The following WWOX variants were observed in gnomAD, a reference collection of about 807,000 sequenced individuals.
The protein encoded by WWOX is WW domain-containing oxidoreductase.
A neutral mutation model predicts 46.2 loss-of-function variants in WWOX; 69 were observed. That is an observed-to-expected ratio of 1.49 (90% CI 1.23 to 1.82). The LOEUF (loss-of-function observed/expected upper bound fraction) is 1.82. WWOX is among the 40% of genes most tolerant of loss of function. WWOX has a pLI of 0.00. For synonymous variants in WWOX, 359 were observed against 202.6 expected (o/e 1.77, Z -6.56); for missense variants, 919 against 542.6 (o/e 1.69, Z -6.89).
intron 4 of WWOX, among the ~76,000 whole-genome samples, chr16:78,122,787 T>C (rs1476653425): frequency 2.0e-5 from 3 of 152,000 alleles, no homozygotes; most frequent in Non-Finnish European, 2.9e-5. Context: ...GTATTTTTCG[T>C]AGAGACAGGG....
intron 4 of WWOX, among the ~76,000 whole-genome samples, chr16:78,115,764 C>G (rs927891914): frequency 1.3e-5 from 2 of 152,224 alleles, no homozygotes; most frequent in Admixed American, 6.5e-5. Context: ...CGGGAGCAAA[C>G]CATAACTCTT....
At chr16:78,494,604 T>A (rs2084865329) in intron 8 of WWOX, among the ~76,000 whole-genome samples, 1 of 152,214 alleles carries the variant, frequency 6.6e-6, no homozygotes. Context: ...CCAGGAGTCT[T>A]CTGTGTGAAC....
chr16:78,808,291 C>T (rs1008241441), intron 8 of WWOX, among the ~76,000 whole-genome samples: 10 of 152,196 alleles, frequency 6.6e-5, no homozygotes, highest in Non-Finnish European at 1.0e-4. Flanking sequence ...GATCCGTTTG[C>T]AACCCAGGAA....
chr16:79,036,994 T>A (rs1163401899), intron 8 of WWOX, among the ~76,000 whole-genome samples: 1 of 152,184 alleles, frequency 6.6e-6, no homozygotes, highest in East Asian at 1.9e-4. Flanking sequence ...TAGTGATGGG[T>A]CTCTCATGGC....
intron 5 of WWOX, among the ~76,000 whole-genome samples, chr16:78,263,993 A>G (rs2079304158): frequency 2.0e-5 from 1 of 50,134 alleles, no homozygotes; most frequent in African/African-American, 1.0e-4. Context: ...TTGGCTGTGA[A>G]ATCTTTTTTT....
At chr16:78,865,779 C>T (rs766813322) in intron 8 of WWOX, among the ~76,000 whole-genome samples, 17 of 152,088 alleles carry the variant, frequency 1.1e-4, no homozygotes, top group African/African-American at 2.9e-4. Context: ...ACTCAGGAGA[C>T]GGAGGCAGGA....
chr16:78,541,516 A>G (rs936577153), intron 8 of WWOX, among the ~76,000 whole-genome samples: 1 of 150,066 alleles, frequency 6.7e-6, no homozygotes, highest in Non-Finnish European at 1.5e-5. Context: ...AGACACGTAC[A>G]CAGACAAATG....
intron 6 of WWOX, among the ~76,000 whole-genome samples, chr16:78,398,570 C>G (rs539759589): frequency 6.6e-6 from 1 of 152,292 alleles, no homozygotes; most frequent in East Asian, 1.9e-4. Flanking sequence ...CAGCAACACA[C>G]CCAATCATTG....
At chr16:78,369,785 G>C (rs1485871622) in intron 5 of WWOX, among the ~76,000 whole-genome samples, 1 of 152,086 alleles carries the variant, frequency 6.6e-6, no homozygotes, top group East Asian at 1.9e-4. Flanking sequence ...GTATAGTAAT[G>C]TGTATGGTGA....
chr16:78,207,051 C>T (rs1272545361), intron 5 of WWOX, among the ~76,000 whole-genome samples: 4 of 152,092 alleles, frequency 2.6e-5, no homozygotes, highest in African/African-American at 9.7e-5. Flanking sequence ...GTAATTTTCC[C>T]AGGGCCAGAG....
chr16:78,811,928 T>TC (rs1317395504), intron 8 of WWOX, among the ~76,000 whole-genome samples: 1 of 152,180 alleles, frequency 6.6e-6, no homozygotes, highest in African/African-American at 2.4e-5. Context: ...TTAGGGTTCT[T>TC]TTGAGGAATA....
chr16:78,887,624 A>C (rs2044495698), intron 8 of WWOX, among the ~76,000 whole-genome samples: 1 of 152,160 alleles, frequency 6.6e-6, no homozygotes, highest in Admixed American at 6.5e-5. Context: ...GCCAATGTGT[A>C]AGTACAAAAG....
At chr16:78,470,896 A>G (rs1220228447) in intron 8 of WWOX, among the ~76,000 whole-genome samples, 2 of 152,174 alleles carry the variant, frequency 1.3e-5, no homozygotes, top group African/African-American at 2.4e-5. Context: ...TACAGGCTGG[A>G]ACAGGTGATA....
At chr16:78,314,991 C>T (rs543011010) in intron 5 of WWOX, among the ~76,000 whole-genome samples, 4 of 152,286 alleles carry the variant, frequency 2.6e-5, no homozygotes, top group South Asian at 2.1e-4. Context: ...ACTTCTCCTT[C>T]ACTCACATGT....
chr16:78,637,647 G>C (rs1307655074), intron 8 of WWOX, among the ~76,000 whole-genome samples: 1 of 152,208 alleles, frequency 6.6e-6, no homozygotes. Context: ...AAGGGCTGGA[G>C]ACGTTGTTTT....
At chr16:78,197,396 A>G (rs2036088479) in intron 5 of WWOX, among the ~76,000 whole-genome samples, 1 of 152,232 alleles carries the variant, frequency 6.6e-6, no homozygotes, top group African/African-American at 2.4e-5. Flanking sequence ...AATGGATATA[A>G]TATGATTTTT....
chr16:78,448,520 C>T lies in WWOX; in HGVS notation c.1056+15768C>T, dbSNP rs1413824225. ...AGCTGGTGCCCCAAAAGAATGGGGT[C>T]TTATCCTGTTGGGTGTCATGAAGCC... On this transcript the variant is annotated intron_variant, in intron 8 of 8. Transcript: ENST00000566780. Among the ~76,000 whole-genome samples the T allele has an allele frequency of 2.0e-5, 3 of 152,002 alleles. No individual in the cohort carries two copies. The East Asian group carries it at 5.8e-4, about 30-fold the overall frequency.
chr16:78,583,734 G>C (rs915104578), intron 8 of WWOX, among the ~76,000 whole-genome samples: 3 of 152,210 alleles, frequency 2.0e-5, no homozygotes, highest in African/African-American at 2.4e-5. Context: ...GTAATCTAGA[G>C]GGTTTTGAGT....
chr16:78,279,004 C>T (rs753694221), intron 5 of WWOX, among the ~76,000 whole-genome samples: 2 of 152,226 alleles, frequency 1.3e-5, no homozygotes, highest in East Asian at 1.9e-4. Flanking sequence ...GATGCTAGCT[C>T]GTTACTTGGG....
Sources: gnomAD v4.1 joint callset for allele counts (sites outside exome capture counted in the v4.1 genomes callset) on GRCh38, gnomAD v4.1.1 for gene constraint, MANE v1.5 for transcripts, NCBI Gene and HGNC (gene_info 2026-07-23, HGNC 2026-07-21) for gene names.